CTNNA3: variants seen among roughly 807,000 people sequenced by gnomAD.
CTNNA3 encodes the protein catenin alpha 3.
Under a neutral mutation model 95.7 loss-of-function variants are expected in CTNNA3, and 76 were observed. The observed-to-expected ratio is 0.79, with a 90% confidence interval of 0.66 to 0.96. The LOEUF is 0.96. CTNNA3 is among the 40% of genes least tolerant of loss of function. The probability of loss-of-function intolerance (pLI) is 0.00; values close to 1 mark genes in which losing one functional copy is unlikely to be tolerated. For synonymous variants in CTNNA3, 431 were observed against 374.4 expected, an observed-to-expected ratio of 1.15 and a Z score of -1.74; for missense variants, 1,191 against 1,089.8, an observed-to-expected ratio of 1.09 and a Z score of -1.31.
intron 3 of CTNNA3, among the ~76,000 whole-genome samples, chr10:67,566,407 A>AG (rs1841805432): frequency 6.6e-6 from 1 of 151,840 alleles, no homozygotes; most frequent in African/African-American, 2.4e-5. Flanking sequence ...TGCAGCCAAA[A>AG]ACACATGAAA....
chr10:66,343,650 C>T (rs2092475545), intron 12 of CTNNA3, among the ~76,000 whole-genome samples: 1 of 151,892 alleles, frequency 6.6e-6, no homozygotes, highest in African/African-American at 2.4e-5. Flanking sequence ...GGAGTAAGTT[C>T]TAGTGCTCTA....
In CTNNA3 at chr10:66,841,820, CACAA is replaced by C. The variant is rs1843074468; in HGVS notation, c.1048-66300_1048-66297del. Reference sequence around the variant, plus strand: ...TTTTGAAAACACAATTAAGCACTTACACAAACAAATATAAAGTATACTAACAACT... The same window carrying C: ...TTTTGAAAACACAATTAAGCACTTACACAAATATAAAGTATACTAACAACT... On this transcript the variant is annotated intron_variant, in intron 7 of 17. Coordinates refer to ENST00000433211, the MANE Select transcript of CTNNA3 (RefSeq NM_013266.4). Among the ~76,000 whole-genome samples, 4 of 152,140 alleles carry C rather than the reference CACAA, an allele frequency of 2.6e-5. No homozygotes were observed. In the South Asian group the frequency reaches 8.3e-4, roughly 32 times the overall value.
chr10:67,183,785 T>C (rs958378641), intron 6 of CTNNA3, among the ~76,000 whole-genome samples: 2 of 152,096 alleles, frequency 1.3e-5, no homozygotes, highest in Non-Finnish European at 2.9e-5. Flanking sequence ...ATGTAAACTT[T>C]ATTTCTCAAC....
At chr10:67,363,082 G>A (rs1843057796) in intron 5 of CTNNA3, among the ~76,000 whole-genome samples, 1 of 151,914 alleles carries the variant, frequency 6.6e-6, no homozygotes, top group South Asian at 2.1e-4. Flanking sequence ...TCTACAAGGA[G>A]ATCTACAAAA....
chr10:66,543,901 GTGTGTGTGTGTATATATATATA>G (rs1253905192), intron 10 of CTNNA3, among the ~76,000 whole-genome samples: 1 of 21,646 alleles, frequency 4.6e-5, no homozygotes, highest in African/African-American at 1.5e-4. Flanking sequence ...TTCTTGAGAT[GTGTGTGTGTGTATATATATATA>G]TATATATATA....
At chr10:67,071,383 T>C (rs1487575002) in intron 7 of CTNNA3, among the ~76,000 whole-genome samples, 1 of 151,652 alleles carries the variant, frequency 6.6e-6, no homozygotes, top group African/African-American at 2.4e-5. Context: ...TCAATAGATA[T>C]ATTTGTATTA....
intron 11 of CTNNA3, among the ~76,000 whole-genome samples, chr10:66,428,633 C>T (rs1373967486): frequency 2.9e-5 from 4 of 140,172 alleles, no homozygotes; most frequent in African/African-American, 7.8e-5. Flanking sequence ...GGAAACTGAA[C>T]AACCTGCTCC....
chr10:67,257,041 T>C lies in CTNNA3; in HGVS notation c.580-37171A>G, dbSNP rs113741579. Reference sequence around the variant, plus strand: ...CACTTGCTTACTCATAATTCAAACATTTCACGAGTTTCCAGCTATAAACAT... The same window carrying C: ...CACTTGCTTACTCATAATTCAAACACTTCACGAGTTTCCAGCTATAAACAT... On this transcript the variant is annotated intron_variant, in intron 5 of 17. Coordinates refer to ENST00000433211, the MANE Select transcript of CTNNA3 (RefSeq NM_013266.4). Among the ~76,000 whole-genome samples the C allele has an allele frequency of 3.8e-3, 576 of 152,316 alleles. 5 individuals are homozygous for C. Among genetic ancestry groups the C allele is most frequent in the African/African-American group, 0.013 (549 of 41,576 alleles).
At chr10:67,461,618 T>A (rs1354191052) in intron 5 of CTNNA3, among the ~76,000 whole-genome samples, 1 of 152,086 alleles carries the variant, frequency 6.6e-6, no homozygotes, top group Non-Finnish European at 1.5e-5. Context: ...CACAGAAGAA[T>A]CACAATTATT....
chr10:67,714,331 C>T (rs1841130106), intron 1 of CTNNA3, among the ~76,000 whole-genome samples: 1 of 152,244 alleles, frequency 6.6e-6, no homozygotes, highest in Non-Finnish European at 1.5e-5. Flanking sequence ...GGGAACCTAC[C>T]TCTTGCATCA....
At chr10:67,489,952 A>T (rs1396661152) in intron 5 of CTNNA3, among the ~76,000 whole-genome samples, 1 of 152,028 alleles carries the variant, frequency 6.6e-6, no homozygotes, top group Non-Finnish European at 1.5e-5. Context: ...GTCTTTTTGT[A>T]TCTAGGTCAT....
intron 6 of CTNNA3, among the ~76,000 whole-genome samples, chr10:67,186,633 A>G (rs1862861983): frequency 6.6e-6 from 1 of 152,186 alleles, no homozygotes; most frequent in South Asian, 2.1e-4. Flanking sequence ...TTTAAGACCA[A>G]CTGAAATAAG....
At chr10:66,326,410 C>T (rs2092254878) in intron 12 of CTNNA3, among the ~76,000 whole-genome samples, 1 of 152,132 alleles carries the variant, frequency 6.6e-6, no homozygotes, top group Admixed American at 6.5e-5. Context: ...TGGCCTCCAT[C>T]TATGGGATTG....
intron 14 of CTNNA3, among the ~76,000 whole-genome samples, chr10:66,082,401 A>C (rs1313270696): frequency 6.6e-6 from 1 of 152,194 alleles, no homozygotes; most frequent in Non-Finnish European, 1.5e-5. Context: ...TCTATAAAAT[A>C]CTTCATCTGT....
intron 13 of CTNNA3, among the ~76,000 whole-genome samples, chr10:66,124,469 C>G (rs2082725640): frequency 6.6e-6 from 1 of 152,172 alleles, no homozygotes; most frequent in South Asian, 2.1e-4. Context: ...TCTGAGCCCT[C>G]CAAACCATTT....
chr10:66,888,928 A>G (rs924617232), intron 7 of CTNNA3, among the ~76,000 whole-genome samples: 1 of 152,242 alleles, frequency 6.6e-6, no homozygotes, highest in African/African-American at 2.4e-5. Context: ...GGATGTGTAT[A>G]GCAACTTCAT....
chr10:66,287,604 G>C (rs2091611905), intron 12 of CTNNA3, among the ~76,000 whole-genome samples: 1 of 152,012 alleles, frequency 6.6e-6, no homozygotes, highest in Non-Finnish European at 1.5e-5. Flanking sequence ...AGAGAGAAAA[G>C]ATTATCAGCA....
chr10:66,109,741 C>T (rs1017290282), intron 13 of CTNNA3, among the ~76,000 whole-genome samples: 1 of 151,918 alleles, frequency 6.6e-6, no homozygotes, highest in East Asian at 1.9e-4. Context: ...CTTAACCAGA[C>T]TACTGGAAGA....
chr10:67,067,438 C>T (rs1196201254), intron 7 of CTNNA3, among the ~76,000 whole-genome samples: 1 of 152,160 alleles, frequency 6.6e-6, no homozygotes, highest in African/African-American at 2.4e-5. Flanking sequence ...ATTACTTTGT[C>T]CCTATAATAA....
Sources: gnomAD v4.1 joint callset for allele counts (sites outside exome capture counted in the v4.1 genomes callset) on GRCh38, gnomAD v4.1.1 for gene constraint, MANE v1.5 for transcripts, NCBI Gene and HGNC (gene_info 2026-07-23, HGNC 2026-07-21) for gene names.